The following DIP2C variants were observed in gnomAD, a reference collection of about 807,000 sequenced individuals.
DIP2C encodes disco-interacting protein 2 homolog C.
A neutral mutation model predicts 192.4 loss-of-function variants in DIP2C; 33 were observed. The observed-to-expected ratio is 0.17, with a 90% CI of 0.13 to 0.23. DIP2C has a LOEUF of 0.23. DIP2C is among the 10% of genes least tolerant of loss of function. DIP2C has a pLI of 1.00. For missense variants in DIP2C, 1,537 were observed against 2,110.1 expected, an observed-to-expected ratio of 0.73 and a Z score of 5.32; for synonymous variants, 979 against 864.1, an observed-to-expected ratio of 1.13 and a Z score of -2.33.
chr10:339,213 T>C (rs1958025484), intron 29 of DIP2C, among the ~76,000 whole-genome samples: 1 of 152,190 alleles, frequency 6.6e-6, no homozygotes, highest in South Asian at 2.1e-4. Flanking sequence ...TTAGTCATTG[T>C]GGATCTAGGA....
intron 1 of DIP2C, among the ~76,000 whole-genome samples, chr10:603,530 A>C (rs1480153765): frequency 6.6e-6 from 1 of 152,060 alleles, no homozygotes; most frequent in Non-Finnish European, 1.5e-5. Context: ...CTGGAACAAG[A>C]CCATACTGTG....
intron 1 of DIP2C, among the ~76,000 whole-genome samples, chr10:532,092 C>A (rs1278025154): frequency 6.6e-6 from 1 of 152,126 alleles, no homozygotes; most frequent in Non-Finnish European, 1.5e-5. Flanking sequence ...TGACTGAGTG[C>A]TCCCTCCTAA....
intron 29 of DIP2C, among the ~76,000 whole-genome samples, chr10:332,149 A>G (rs894742671): frequency 2.0e-5 from 3 of 152,096 alleles, no homozygotes; most frequent in African/African-American, 4.8e-5. Context: ...ATGGGGTCTC[A>G]CTATGTTGCC....
At chr10:659,531 A>G (rs576422114) in intron 1 of DIP2C, among the ~76,000 whole-genome samples, 1 of 152,384 alleles carries the variant, frequency 6.6e-6, no homozygotes, top group East Asian at 1.9e-4. Flanking sequence ...CACACACAGC[A>G]CACATACACA....
At chr10:639,403 T>C (rs1474097484) in intron 1 of DIP2C, among the ~76,000 whole-genome samples, 1 of 139,244 alleles carries the variant, frequency 7.2e-6, no homozygotes, top group East Asian at 2.1e-4. Context: ...GTCGGGAGAG[T>C]GCTGTCCGGC....
chr10:463,886 CAATG>C (rs1040928805), intron 3 of DIP2C, among the ~76,000 whole-genome samples: 60 of 152,248 alleles, frequency 3.9e-4, no homozygotes, highest in African/African-American at 1.3e-3. Context: ...AAAAAGCAAG[CAATG>C]GGGAAATTAT....
intron 1 of DIP2C, among the ~76,000 whole-genome samples, chr10:499,955 C>A (rs1367512892): frequency 6.6e-6 from 1 of 152,220 alleles, no homozygotes; most frequent in African/African-American, 2.4e-5. Context: ...CCTGACCCTG[C>A]CACAATGGGA....
At chr10:393,752 C>A (rs572319192) in intron 10 of DIP2C, among the ~76,000 whole-genome samples, 1 of 119,112 alleles carries the variant, frequency 8.4e-6, no homozygotes, top group African/African-American at 3.3e-5. Flanking sequence ...GCACTCCAGC[C>A]TGGGTGACAG....
chr10:371,625 G>A (rs75695130), intron 17 of DIP2C, among the ~76,000 whole-genome samples: 1,879 of 152,114 alleles, frequency 0.012, 45 homozygotes, highest in African/African-American at 0.043. Context: ...AGGGCGGATC[G>A]CTGAGCAGAG....
Position 349,473 on chromosome 10 carries a change from G to A in DIP2C, c.2986-19C>T. 1.3e-6 allele frequency: 2 copies of A among 1,590,854 alleles called. No homozygotes were observed. Among genetic ancestry groups the A allele is most frequent in the Non-Finnish European group, 1.7e-6 (2 of 1,166,812 alleles). ...TCGCACCCTGCGGGCCGATCACAGG[G>A]ACAAGCACATAAGATTCCTTCAGCA... On this transcript the variant is annotated intron_variant, in intron 24 of 36. Coordinates refer to ENST00000280886, the MANE Select transcript of DIP2C (RefSeq NM_014974.3).
chr10:302,279 A>G (rs1178957486), intron 32 of DIP2C, among the ~76,000 whole-genome samples: 1 of 152,160 alleles, frequency 6.6e-6, no homozygotes, highest in Non-Finnish European at 1.5e-5. Context: ...TGCTTTTGCC[A>G]TTTCACAGGC....
chr10:379,088 G>A (rs560877059), intron 17 of DIP2C, among the ~76,000 whole-genome samples: 16 of 151,944 alleles, frequency 1.1e-4, no homozygotes, highest in South Asian at 1.0e-3. Flanking sequence ...TGCCTGCAGC[G>A]CTGGGCAACC....
At chr10:349,568 GA>G in intron 24 of DIP2C, 114 bp from the exon 25 acceptor site, 1 of 1,424,758 alleles carries the variant, frequency 7.0e-7, no homozygotes, top group African/African-American at 1.4e-5. Context: ...CTGGTTTTTA[GA>G]ACAAGCACAG....
rs79667499 is a variant in DIP2C at position 384,940 on chromosome 10, C to T, written c.1663-301G>A. ...GGAGCGCCGCGGACACCAGGCTGCACGGGCCAGGAGGAGCAGCAGTTCTCA... is the reference window on the plus strand; with the variant it reads ...GGAGCGCCGCGGACACCAGGCTGCATGGGCCAGGAGGAGCAGCAGTTCTCA... On this transcript the variant is annotated intron_variant, in intron 14 of 36. Coordinates refer to ENST00000280886, the MANE Select transcript of DIP2C (RefSeq NM_014974.3). 6.0e-3 allele frequency among the ~76,000 whole-genome samples: 907 copies of T among 151,416 alleles called. 3 individuals are homozygous for T. The highest frequency in any genetic ancestry group is 0.014 in the Middle Eastern group (4 of 294).
At chr10:473,504 C>G (rs1216887413) in intron 2 of DIP2C, among the ~76,000 whole-genome samples, 1 of 149,896 alleles carries the variant, frequency 6.7e-6, no homozygotes, top group Non-Finnish European at 1.5e-5. Flanking sequence ...AAGGACGTCA[C>G]CCCCACAGCT....
At chr10:650,692 GC>G in intron 1 of DIP2C, 1 of 620,940 alleles carries the variant, frequency 1.6e-6, no homozygotes, top group East Asian at 2.7e-5. Context: ...CAGCCTTAGA[GC>G]CCAGATGGCT....
intron 1 of DIP2C, among the ~76,000 whole-genome samples, chr10:520,842 C>T (rs977743756): frequency 1.3e-5 from 2 of 152,208 alleles, no homozygotes; most frequent in African/African-American, 4.8e-5. Flanking sequence ...TATGTTGCCT[C>T]CATCTGCATG....
chr10:339,029 T>A (rs1958015108), intron 29 of DIP2C, among the ~76,000 whole-genome samples: 2 of 151,856 alleles, frequency 1.3e-5, no homozygotes, highest in South Asian at 4.2e-4. Context: ...TTGGGCACCC[T>A]GCGCGGCTGC....
intron 1 of DIP2C, among the ~76,000 whole-genome samples, chr10:637,956 T>C (rs1346975328): frequency 1.3e-5 from 2 of 152,116 alleles, no homozygotes; most frequent in Non-Finnish European, 2.9e-5. Context: ...AGCTCATCCA[T>C]TAAGACAAGC....
Sources: allele counts gnomAD v4.1 joint callset (sites outside exome capture counted in the v4.1 genomes callset), GRCh38; gene constraint gnomAD v4.1.1; transcripts MANE v1.5; gene names NCBI Gene and HGNC (gene_info 2026-07-23, HGNC 2026-07-21).